The following EED variants were observed in gnomAD, a reference collection of about 807,000 sequenced individuals.
EED encodes the protein embryonic ectoderm development.
Under a neutral mutation model 61.0 loss-of-function variants are expected in EED, and 9 were observed. The observed-to-expected ratio is 0.15, with a 90% CI of 0.09 to 0.26. The LOEUF (loss-of-function observed/expected upper bound fraction) is 0.26. Ranked by LOEUF, EED falls within the 10% of genes least tolerant of loss-of-function variation. The pLI, the probability that EED is intolerant of heterozygous loss-of-function variation, is 1.00. For missense variants in EED, 315 were observed against 542.3 expected (o/e 0.58, Z 4.16); for synonymous variants, 187 against 174.4 (o/e 1.07, Z -0.57).
intron 6 of EED, among the ~76,000 whole-genome samples, chr11:86,260,201 C>T (rs545151301): frequency 1.6e-4 from 25 of 152,248 alleles, no homozygotes; most frequent in East Asian, 3.9e-4. Context: ...GCTTACATGA[C>T]GTGTCTTTGC....
chr11:86,285,439 A>G, the EED span, among the ~76,000 whole-genome samples: 1 of 152,136 alleles, frequency 6.6e-6, no homozygotes, highest in Non-Finnish European at 1.5e-5. Context: ...AAAAAAAATT[A>G]AAAGGAAAAA....
rs772943249 is a variant in EED, at chr11:86,277,054, A to G, written c.1041A>G (p.Glu347=). ...ATATAGATAAAATTAAACCCAGTGA[A>G]TCTAATGTGACTATTCTTGGGCGAT... is the stretch of plus-strand genomic sequence containing the variant. ...EDDIDKIKPS[E]SNVTILGRFD... is the part of the protein sequence containing the mutation. Residue 347 remains glutamate, a synonymous_variant, in exon 10 of 12, where the codon GAA becomes GAG. Coordinates refer to ENST00000263360, the MANE Select transcript of EED (RefSeq NM_003797.5). The G allele has an allele frequency of 3.1e-6, 5 of 1,588,630 alleles. No individual in the cohort carries two copies. Among genetic ancestry groups the G allele is most frequent in the Non-Finnish European group, 8.6e-7 (1 of 1,162,836 alleles).
At chr11:86,258,251 T>G (rs1945727212) in intron 6 of EED, among the ~76,000 whole-genome samples, 1 of 152,228 alleles carries the variant, frequency 6.6e-6, no homozygotes, top group East Asian at 1.9e-4. Flanking sequence ...CATGTAATAA[T>G]AAATACTACA....
intron 3 of EED, among the ~76,000 whole-genome samples, chr11:86,253,412 A>G (rs1468007959): frequency 1.3e-5 from 2 of 152,218 alleles, no homozygotes; most frequent in Non-Finnish European, 2.9e-5. Context: ...TAGTATTATA[A>G]TTGGTATAGT....
chr11:86,259,192 T>C (rs1465092118), intron 6 of EED, among the ~76,000 whole-genome samples: 1 of 129,238 alleles, frequency 7.7e-6, no homozygotes, highest in East Asian at 2.1e-4. Flanking sequence ...TTAACCCTGG[T>C]CTTCCTCTAT....
chr11:86,253,740 C>A (rs1039934193), intron 3 of EED, among the ~76,000 whole-genome samples: 1 of 151,978 alleles, frequency 6.6e-6, no homozygotes, highest in South Asian at 2.1e-4. Context: ...GCTAATGTGA[C>A]TGACTATAAG....
chr11:86,282,752 A>G (rs912397721), downstream of EED, among the ~76,000 whole-genome samples: 6 of 152,180 alleles, frequency 3.9e-5, no homozygotes, highest in South Asian at 6.2e-4. Flanking sequence ...CAGTCTCGTC[A>G]TAACTATTCA....
At position 86,278,205 on chromosome 11, in the gene EED, T is replaced by C. The variant is rs980931960; in HGVS notation, c.1200-194T>C. ...TCATTTCTTGTTTTTATACAAATTA[T>C]GTAGTGCTTGTTGAACTTAAAATAT... On this transcript the variant is annotated intron_variant, in intron 11 of 11. Coordinates refer to ENST00000263360, the MANE Select transcript of EED (RefSeq NM_003797.5). 4.5e-6 allele frequency: 6 copies of C among 1,335,200 alleles called. No homozygotes were observed. The African/African-American group carries it at 7.5e-5, about 17-fold the overall frequency. 82.7% of individuals were successfully genotyped at this position (1,335,200 alleles called of 1,614,324 possible).
Position 86,250,467 on chromosome 11 carries a change from C to G in EED, c.267+19C>G. 1 of 1,540,824 alleles carries G rather than the reference C, an allele frequency of 6.5e-7. No homozygotes were observed. Among genetic ancestry groups the G allele is most frequent in the Non-Finnish European group, 8.7e-7 (1 of 1,145,438 alleles). ...TCTCAAGGTATGTGCAAAAAAAGAT[C>G]CTTTGGGCTGAATGCTAGGCTTCAG... On this transcript the variant is annotated intron_variant, in intron 2 of 11. Transcript: ENST00000263360.
At chr11:86,275,087 C>T (rs1215382517) in intron 9 of EED, among the ~76,000 whole-genome samples, 1 of 152,052 alleles carries the variant, frequency 6.6e-6, no homozygotes, top group Non-Finnish European at 1.5e-5. Flanking sequence ...GCTGCCTTCT[C>T]TCTTATCTAG....
At chr11:86,278,259 G>T in intron 11 of EED, 140 bp from the exon 12 acceptor site, 1 of 1,380,358 alleles carries the variant, frequency 7.2e-7, no homozygotes, top group Non-Finnish European at 9.4e-7. Context: ...TTGAGACTGA[G>T]CTCTTAGTGA....
At position 86,264,230 on chromosome 11, in the gene EED, C is replaced by T. The variant is rs776804989; in HGVS notation, c.693C>T (p.Gly231=). 1.2e-5 allele frequency: 20 copies of T among 1,613,532 alleles called. No individual in the cohort carries two copies. Among genetic ancestry groups the T allele is most frequent in the East Asian group, 2.2e-5 (1 of 44,878 alleles). The change falls in exon 7 of 12, where the codon GGC becomes GGT. Residue 231 remains glycine, a synonymous_variant. Transcript: ENST00000263360. The stretch of plus-strand genomic sequence containing the variant: ...ACACTCTGGTGGCAATATTTGGAGG[C>T]GTAGAAGGGCACAGAGATGAAGTTC... ...QTDTLVAIFG[G]VEGHRDEVLS...
At chr11:86,279,743 T>G (rs1195017368), downstream of EED, among the ~76,000 whole-genome samples, 1 of 152,256 alleles carries the variant, frequency 6.6e-6, no homozygotes, top group African/African-American at 2.4e-5. Flanking sequence ...GAGCTATCTC[T>G]GAAGCACAGT....
the EED span, among the ~76,000 whole-genome samples, chr11:86,287,571 T>C: frequency 1.3e-5 from 2 of 152,326 alleles, no homozygotes; most frequent in South Asian, 4.1e-4. Context: ...GTGAGGGAAG[T>C]GTGTGTGTTT....
intron 2 of EED, 27 bp from the exon 3 acceptor site, chr11:86,252,121 T>C (rs1369915846): frequency 6.3e-7 from 1 of 1,584,578 alleles, no homozygotes; most frequent in East Asian, 2.2e-5. Flanking sequence ...TACATTAATC[T>C]TTTCTTATTT....
In EED at chr11:86,245,263, G is replaced by A. The variant is rs1240623101; in HGVS notation, c.34G>A (p.Gly12Arg). 1 of 1,613,448 alleles carries A rather than the reference G, an allele frequency of 6.2e-7. No individual in the cohort carries two copies. Among genetic ancestry groups the A allele is most frequent in the African/African-American group, 1.3e-5 (1 of 74,908 alleles). ...SEREVSTAPA[G>R]TDMPAAKKQK... ...GAGGGAAGTGTCGACTGCGCCGGCGGGAACAGACATGCCTGCGGCCAAGAA... is the reference window on the plus strand; with the variant it reads ...GAGGGAAGTGTCGACTGCGCCGGCGAGAACAGACATGCCTGCGGCCAAGAA... Residue 12 changes from glycine to arginine, a missense_variant, in exon 1 of 12, where the codon GGA becomes AGA. Coordinates refer to ENST00000263360, the MANE Select transcript of EED (RefSeq NM_003797.5).
At chr11:86,264,362 C>T (rs763049552) in intron 7 of EED, 99 bp downstream of exon 7, 1 of 785,668 alleles carries the variant, frequency 1.3e-6, no homozygotes, top group African/African-American at 1.7e-5. Context: ...TTCATGTAGC[C>T]TGTCAGGCAG....
chr11:86,268,624 T>TGTGTGTGC, intron 9 of EED, 63 bp downstream of exon 9: 1 of 1,150,848 alleles, frequency 8.7e-7, no homozygotes, highest in African/African-American at 1.6e-5. Context: ...TGTGTGTGTG[T>TGTGTGTGC]GTATGTGTGT....
intron 3 of EED, among the ~76,000 whole-genome samples, chr11:86,254,730 C>G (rs1479257432): frequency 1.3e-5 from 2 of 152,088 alleles, no homozygotes; most frequent in Non-Finnish European, 2.9e-5. Flanking sequence ...TCAAGTGATT[C>G]ACCAGCCTCA....
Sources: allele counts gnomAD v4.1 joint callset (sites outside exome capture counted in the v4.1 genomes callset), GRCh38; gene constraint gnomAD v4.1.1; transcripts MANE v1.5; gene names NCBI Gene and HGNC (gene_info 2026-07-23, HGNC 2026-07-21).